The following ARHGAP39 variants were observed in gnomAD, a reference collection of about 807,000 sequenced individuals.
ARHGAP39 encodes Rho GTPase activating protein 39.
ARHGAP39 carries 44 observed loss-of-function variants against 106.9 expected under a neutral mutation model. That is an observed-to-expected ratio of 0.41 (90% CI 0.32 to 0.53). ARHGAP39 has a LOEUF of 0.53. ARHGAP39 is among the 20% of genes least tolerant of loss of function. ARHGAP39 has a pLI of 0.21. For missense variants in ARHGAP39, 1,496 were observed against 1,577.3 expected, an observed-to-expected ratio of 0.95 and a Z score of 0.87; for synonymous variants, 768 against 693.2, an observed-to-expected ratio of 1.11 and a Z score of -1.69.
chr8:144,575,084 A>G (rs1466776333), intron 3 of ARHGAP39, among the ~76,000 whole-genome samples: 3 of 152,224 alleles, frequency 2.0e-5, no homozygotes, highest in Admixed American at 6.5e-5. Context: ...GCCTAAACAT[A>G]TTTAGACATA....
At chr8:144,667,021 C>A (rs1326683992) in intron 1 of ARHGAP39, among the ~76,000 whole-genome samples, 2 of 152,238 alleles carry the variant, frequency 1.3e-5, no homozygotes, top group Non-Finnish European at 2.9e-5. Context: ...GTTTCTGCTA[C>A]AGATTAATTT....
chr8:144,605,258 C>G (rs1271001478), intron 2 of ARHGAP39, among the ~76,000 whole-genome samples: 3 of 152,116 alleles, frequency 2.0e-5, no homozygotes, highest in African/African-American at 7.2e-5. Context: ...GAGACCCTGT[C>G]TCCTCAAGAA....
At chr8:144,558,242 T>C (rs906829802) in intron 3 of ARHGAP39, among the ~76,000 whole-genome samples, 3 of 152,228 alleles carry the variant, frequency 2.0e-5, no homozygotes, top group South Asian at 4.1e-4. Flanking sequence ...TCAATAAATA[T>C]AAAGATATGA....
chr8:144,629,335 G>A (rs960501024), intron 1 of ARHGAP39, among the ~76,000 whole-genome samples: 1 of 152,250 alleles, frequency 6.6e-6, no homozygotes, highest in Non-Finnish European at 1.5e-5. Context: ...CGAAGGCAGA[G>A]CACGGCCGTG....
intron 3 of ARHGAP39, among the ~76,000 whole-genome samples, chr8:144,557,989 A>G (rs1292506337): frequency 1.3e-5 from 2 of 152,240 alleles, no homozygotes; most frequent in African/African-American, 4.8e-5. Flanking sequence ...CGAATGAGAA[A>G]CTTCAGCAGT....
intron 1 of ARHGAP39, among the ~76,000 whole-genome samples, chr8:144,639,774 C>G (rs890141142): frequency 6.6e-6 from 1 of 152,126 alleles, no homozygotes; most frequent in Non-Finnish European, 1.5e-5. Flanking sequence ...AAACAGGCCT[C>G]TCAATGTCAC....
At chr8:144,609,629 C>T (rs1012253739) in intron 1 of ARHGAP39, among the ~76,000 whole-genome samples, 3 of 152,046 alleles carry the variant, frequency 2.0e-5, no homozygotes, top group African/African-American at 7.2e-5. Context: ...GTCTTGAATT[C>T]CTGGCCTCAT....
At position 144,586,158 on chromosome 8, in the gene ARHGAP39, T is replaced by C. The variant is rs1819177880; in HGVS notation, c.81-4881A>G. The stretch of plus-strand genomic sequence containing the variant: ...CACAGCTGGCTATTTTTTTTGTATT[T>C]TTAGTAGGGATGGGGTTTCACCATG... On this transcript the variant is annotated intron_variant, in intron 2 of 11. Coordinates refer to ENST00000377307, the MANE Select transcript of ARHGAP39 (RefSeq NM_025251.3). This position sits in a 1 kb window ranked among gnomAD's most constrained non-coding sequence, Gnocchi z 4.2. 6.6e-6 allele frequency: 1 copy of C among 152,304 alleles called. No individual in the cohort carries two copies. Among genetic ancestry groups the C allele is most frequent in the Non-Finnish European group, 1.5e-5 (1 of 68,124 alleles). The allele number at this position is 152,304 out of a possible 1,614,324, so 9.4% of individuals were successfully genotyped here. A position where few individuals can be genotyped will look rare whatever the true frequency, so the allele number is the denominator to read the frequency against.
chr8:144,663,983 A>T (rs1249850465), intron 1 of ARHGAP39, among the ~76,000 whole-genome samples: 1 of 152,126 alleles, frequency 6.6e-6, no homozygotes, highest in Non-Finnish European at 1.5e-5. Flanking sequence ...CTTGGGCAAC[A>T]TGGTGAAAGC....
In ARHGAP39 at chr8:144,597,555, C is replaced by T. The variant is rs545823975; in HGVS notation, c.80+7980G>A. Among the ~76,000 whole-genome samples the T allele has an allele frequency of 3.2e-4, 48 of 152,282 alleles. No homozygotes were observed. The South Asian group carries it at 6.6e-3, about 21-fold the overall frequency. ...CCTCGCTGCCCCTTGCAGATCTACG[C>T]GACGCCCTTGAGGATGGGGGCAGGG... On this transcript the variant is annotated intron_variant, in intron 2 of 11. Coordinates refer to ENST00000377307, the MANE Select transcript of ARHGAP39 (RefSeq NM_025251.3).
chr8:144,555,503 C>G (rs1251263609), intron 4 of ARHGAP39, 57 bp downstream of exon 4: 41 of 1,462,572 alleles, frequency 2.8e-5, no homozygotes, highest in Non-Finnish European at 3.4e-5. Context: ...GTTAGCCTGG[C>G]TCACTGAGGA....
intron 8 of ARHGAP39, 109 bp downstream of exon 8, chr8:144,534,020 C>A: frequency 7.8e-7 from 1 of 1,289,354 alleles, no homozygotes; most frequent in Non-Finnish European, 1.1e-6. Flanking sequence ...CATGTGGCAC[C>A]CTCTGCGCTG....
At chr8:144,562,445 G>C (rs376375187) in intron 3 of ARHGAP39, among the ~76,000 whole-genome samples, 2,222 of 124,770 alleles carry the variant, frequency 0.018, 37 homozygotes, top group African/African-American at 0.067. Flanking sequence ...GTTTCCATCG[G>C]ACTCCAGTGG....
intron 1 of ARHGAP39, among the ~76,000 whole-genome samples, chr8:144,650,092 G>C (rs748298396): frequency 2.0e-5 from 3 of 151,916 alleles, no homozygotes; most frequent in Non-Finnish European, 4.4e-5. Context: ...GCAGTGAGCT[G>C]AGATTGTGGC....
chr8:144,684,902 C>T lies in ARHGAP39; in HGVS notation c.-82+784G>A, dbSNP rs1322592411. ...GACGCCCATGTCCGCTCCCTGCGCC[C>T]CGGGGACAAAGCCCGAGGCTGCACC... On this transcript the variant is annotated intron_variant, in intron 1 of 11. Transcript: ENST00000377307. This position sits in a 1 kb window ranked among gnomAD's most constrained non-coding sequence, Gnocchi z 4.4. Among the ~76,000 whole-genome samples the T allele has an allele frequency of 6.6e-6, 1 of 152,214 alleles. No homozygotes were observed. Among genetic ancestry groups the T allele is most frequent in the Non-Finnish European group, 1.5e-5 (1 of 68,016 alleles).
At chr8:144,649,583 A>C (rs1821527121) in intron 1 of ARHGAP39, among the ~76,000 whole-genome samples, 1 of 152,090 alleles carries the variant, frequency 6.6e-6, no homozygotes, top group African/African-American at 2.4e-5. Context: ...CAGCTTGGTC[A>C]ATGTGGTAAA....
At chr8:144,541,706 G>C (rs1817199438) in intron 6 of ARHGAP39, among the ~76,000 whole-genome samples, 1 of 152,138 alleles carries the variant, frequency 6.6e-6, no homozygotes, top group East Asian at 1.9e-4. Flanking sequence ...CCTTTTTAAG[G>C]CTGGAAATAA....
intron 1 of ARHGAP39, among the ~76,000 whole-genome samples, chr8:144,608,932 C>T (rs1820389875): frequency 6.6e-6 from 1 of 152,176 alleles, no homozygotes; most frequent in Non-Finnish European, 1.5e-5. Flanking sequence ...GATAAACTCA[C>T]TTATTAGTTC....
Position 144,530,255 on chromosome 8 carries a change from T to A in ARHGAP39, c.*167A>T. 1.3e-6 allele frequency: 1 copy of A among 758,276 alleles called. No homozygotes were observed. Among genetic ancestry groups the A allele is most frequent in the Non-Finnish European group, 2.1e-6 (1 of 482,114 alleles). 47.0% of individuals were successfully genotyped at this position (758,276 alleles called of 1,614,324 possible). ...CCGCTGCTGTGCCCTGGCTGCACCC[T>A]CAGACCAGGCAGAAGACGTGGGGAG... On this transcript the variant is annotated 3_prime_UTR_variant, in exon 12 of 12. Coordinates refer to ENST00000377307, the MANE Select transcript of ARHGAP39 (RefSeq NM_025251.3).
Sources: gnomAD v4.1 joint callset for allele counts (sites outside exome capture counted in the v4.1 genomes callset) on GRCh38, gnomAD v4.1.1 for gene constraint, Gnocchi (gnomAD v3.1) non-coding constraint, MANE v1.5 for transcripts, NCBI Gene and HGNC (gene_info 2026-07-23, HGNC 2026-07-21) for gene names.